PARD3B: variants seen among roughly 807,000 people sequenced by gnomAD.
The protein encoded by PARD3B is par-3 family cell polarity regulator beta.
Under a neutral mutation model 130.2 loss-of-function variants are expected in PARD3B, and 103 were observed. That is an observed-to-expected ratio of 0.79 (90% CI 0.67 to 0.93). The LOEUF (loss-of-function observed/expected upper bound fraction) is 0.93. Among genes scored for constraint, PARD3B ranks in the 40% least tolerant of loss-of-function variants. PARD3B has a pLI of 0.00. For missense variants in PARD3B, 1,609 were observed against 1,499.2 expected (o/e 1.07, Z -1.21); for synonymous variants, 583 against 553.2 (o/e 1.05, Z -0.76).
intron 22 of PARD3B, among the ~76,000 whole-genome samples, chr2:205,555,975 G>T (rs1472008856): frequency 2.0e-5 from 3 of 152,176 alleles, no homozygotes; most frequent in African/African-American, 7.2e-5. Flanking sequence ...TTCTGAAAAG[G>T]TATGCAGATG....
chr2:205,181,959 A>C (rs192294680), intron 13 of PARD3B, among the ~76,000 whole-genome samples: 1 of 152,344 alleles, frequency 6.6e-6, no homozygotes, highest in Non-Finnish European at 1.5e-5. Context: ...CCCAGAAGAA[A>C]ATAAAAATTC....
At position 205,325,290 on chromosome 2, in the gene PARD3B, C is replaced by T. The variant is rs1350701775; in HGVS notation, c.2630+23589C>T. Among the ~76,000 whole-genome samples the T allele has an allele frequency of 6.6e-6, 1 of 152,124 alleles. No homozygotes were observed. Among genetic ancestry groups the T allele is most frequent in the African/African-American group, 2.4e-5 (1 of 41,442 alleles). ...ACTTTTATGCTGCCATAGATAAGTACATAAAATTATCATAATGTGCCATGA... is the reference window on the plus strand; with the variant it reads ...ACTTTTATGCTGCCATAGATAAGTATATAAAATTATCATAATGTGCCATGA... On this transcript the variant is annotated intron_variant, in intron 18 of 22. Coordinates refer to ENST00000406610, the MANE Select transcript of PARD3B (RefSeq NM_001302769.2). The surrounding 1 kb of genome is among the most constrained non-coding windows in gnomAD (Gnocchi z 4.1).
intron 2 of PARD3B, among the ~76,000 whole-genome samples, chr2:204,765,569 A>C (rs894539260): frequency 6.6e-6 from 1 of 152,190 alleles, no homozygotes; most frequent in African/African-American, 2.4e-5. Context: ...AATAATTTCA[A>C]AAGTCTTTTA....
intron 2 of PARD3B, among the ~76,000 whole-genome samples, chr2:204,835,373 A>G (rs72934223): frequency 3.3e-5 from 5 of 152,310 alleles, no homozygotes; most frequent in Admixed American, 1.3e-4. Flanking sequence ...AAGAAATAGC[A>G]TTTAACCTGG....
At chr2:204,720,819 C>A (rs571990679) in intron 2 of PARD3B, among the ~76,000 whole-genome samples, 6 of 152,028 alleles carry the variant, frequency 3.9e-5, no homozygotes, top group Admixed American at 3.3e-4. Flanking sequence ...CTTTCTCATG[C>A]GGAAGTTTCA....
intron 10 of PARD3B, among the ~76,000 whole-genome samples, chr2:205,126,783 A>AAG (rs2031476250): frequency 5.0e-5 from 7 of 139,720 alleles, no homozygotes; most frequent in Admixed American, 3.0e-4. Context: ...AAAAAAAAAA[A>AAG]AAAATTGATA....
chr2:205,343,816 T>TAAC (rs921892421), intron 18 of PARD3B, among the ~76,000 whole-genome samples: 2 of 151,836 alleles, frequency 1.3e-5, no homozygotes, highest in African/African-American at 4.8e-5. Context: ...TTTCTCTCTT[T>TAAC]AACTAGTTCT....
chr2:205,118,990 A>C lies in PARD3B; in HGVS notation c.750A>C (p.Glu250Asp), dbSNP rs2030289386. Residue 250 changes from glutamate (E) to aspartate (D), a missense_variant, in exon 7 of 23, where the codon GAA becomes GAC. By Grantham distance (45) the Glu-to-Asp change is conservative. Transcript: ENST00000406610. Reference sequence around the variant, plus strand: ...CCAAGCGGGAGGGACTATTTCACGAAAATGAATGTATTGTAAAAATCAACA... The same window carrying C: ...CCAAGCGGGAGGGACTATTTCACGACAATGAATGTATTGTAAAAATCAACA... ...SRSKREGLFH[E>D]NECIVKINNV... 3.7e-6 allele frequency: 6 copies of C among 1,612,246 alleles called. No individual in the cohort carries two copies. Among genetic ancestry groups the C allele is most frequent in the South Asian group, 3.3e-5 (3 of 90,708 alleles).
At chr2:204,910,175 G>A (rs981220044) in intron 2 of PARD3B, among the ~76,000 whole-genome samples, 5 of 152,194 alleles carry the variant, frequency 3.3e-5, no homozygotes, top group African/African-American at 1.2e-4. Context: ...AGAGAAAGCA[G>A]TTGGCAAATA....
intron 21 of PARD3B, among the ~76,000 whole-genome samples, chr2:205,507,925 A>G (rs1400859117): frequency 1.3e-5 from 2 of 152,216 alleles, no homozygotes; most frequent in Non-Finnish European, 2.9e-5. Context: ...AGATGATGTC[A>G]CTGAATTATT....
At chr2:204,780,309 A>G (rs2041789672) in intron 2 of PARD3B, among the ~76,000 whole-genome samples, 1 of 152,170 alleles carries the variant, frequency 6.6e-6, no homozygotes, top group African/African-American at 2.4e-5. Flanking sequence ...CTGGGTAACT[A>G]TAGAAACCTT....
chr2:204,787,059 A>G (rs1488176543), intron 2 of PARD3B, among the ~76,000 whole-genome samples: 1 of 152,048 alleles, frequency 6.6e-6, no homozygotes, highest in Non-Finnish European at 1.5e-5. Context: ...TGGCTTTATT[A>G]AAGTTGAAAG....
chr2:205,203,697 G>C (rs773952408), intron 15 of PARD3B, among the ~76,000 whole-genome samples: 1 of 152,054 alleles, frequency 6.6e-6, no homozygotes, highest in Admixed American at 6.6e-5. Flanking sequence ...GTGAGAACAT[G>C]CGGTATTTAG....
At chr2:205,516,136 T>G (rs111564844) in intron 21 of PARD3B, among the ~76,000 whole-genome samples, 5,010 of 152,280 alleles carry the variant, frequency 0.033, 172 homozygotes, top group South Asian at 0.13. Context: ...GGCTCTCTCT[T>G]CTGTTCCATT....
At chr2:205,367,978 CTGTGGTATTTATTTACGTTAGCAAAAA>C (rs2044671165) in intron 18 of PARD3B, among the ~76,000 whole-genome samples, 2 of 152,162 alleles carry the variant, frequency 1.3e-5, no homozygotes, top group Non-Finnish European at 2.9e-5. Context: ...TGGTCACTCA[CTGTGGTATTTATTTACGTTAGCAAAAA>C]TGGGGAAGCA....
intron 10 of PARD3B, among the ~76,000 whole-genome samples, chr2:205,145,840 A>AC (rs1553624290): frequency 1.3e-5 from 2 of 150,388 alleles, no homozygotes; most frequent in African/African-American, 4.9e-5. Context: ...AAAAAAAAAA[A>AC]CACCTTTTCC....
At chr2:205,425,248 G>A (rs1344344657) in intron 19 of PARD3B, among the ~76,000 whole-genome samples, 1 of 152,092 alleles carries the variant, frequency 6.6e-6, no homozygotes, top group Admixed American at 6.6e-5. Flanking sequence ...AATTTTCTAA[G>A]GAAAGCTAAA....
intron 2 of PARD3B, among the ~76,000 whole-genome samples, chr2:204,739,366 A>G (rs2039897024): frequency 1.3e-5 from 2 of 152,058 alleles, no homozygotes; most frequent in African/African-American, 2.4e-5. Context: ...GCATCTGTCT[A>G]TTTATTGAAA....
chr2:204,988,403 G>A (rs945929346), intron 3 of PARD3B, among the ~76,000 whole-genome samples: 1 of 152,034 alleles, frequency 6.6e-6, no homozygotes, highest in African/African-American at 2.4e-5. Context: ...AAAATAGAAT[G>A]AATAAGACAT....
Sources: allele counts gnomAD v4.1 joint callset (sites outside exome capture counted in the v4.1 genomes callset), GRCh38; gene constraint gnomAD v4.1.1; non-coding constraint Gnocchi (gnomAD v3.1); transcripts MANE v1.5; gene names NCBI Gene and HGNC (gene_info 2026-07-23, HGNC 2026-07-21).